Variants in PTPRD observed in about 807,000 individuals in gnomAD.
PTPRD encodes receptor-type tyrosine-protein phosphatase delta.
PTPRD carries 34 observed loss-of-function variants against 214.5 expected under a neutral mutation model. The observed-to-expected ratio is 0.16, with a 90% CI of 0.12 to 0.21. PTPRD has a LOEUF of 0.21. Among genes scored for constraint, PTPRD ranks in the 10% least tolerant of loss-of-function variants. PTPRD has a pLI of 1.00. For synonymous variants in PTPRD, 1,128 were observed against 845.7 expected (o/e 1.33, Z -5.79); for missense variants, 2,545 against 2,398.7 (o/e 1.06, Z -1.27).
At chr9:9,840,076 C>T (rs899685390) in intron 5 of PTPRD, among the ~76,000 whole-genome samples, 27 of 151,958 alleles carry the variant, frequency 1.8e-4, no homozygotes, top group African/African-American at 6.0e-4. Context: ...CTCGCTCTGT[C>T]ACCCAGGCTG....
intron 14 of PTPRD, among the ~76,000 whole-genome samples, chr9:8,544,236 G>C (rs1593258871): frequency 1.5e-5 from 2 of 134,426 alleles, no homozygotes; most frequent in African/African-American, 5.7e-5. Context: ...GTGCCATCTT[G>C]GCTCACTGCA....
intron 12 of PTPRD, among the ~76,000 whole-genome samples, chr9:8,714,541 A>G (rs1369354186): frequency 6.6e-6 from 1 of 152,110 alleles, no homozygotes; most frequent in Non-Finnish European, 1.5e-5. Context: ...ATCTCTGTAC[A>G]AGGTTTTTCT....
At chr9:10,406,381 T>A (rs148427252) in intron 2 of PTPRD, among the ~76,000 whole-genome samples, 2 of 151,606 alleles carry the variant, frequency 1.3e-5, no homozygotes, top group Admixed American at 6.6e-5. Flanking sequence ...AAACGAAAAT[T>A]GAAGAAATAG....
intron 7 of PTPRD, among the ~76,000 whole-genome samples, chr9:9,697,454 T>G (rs1377834897): frequency 6.6e-6 from 1 of 152,110 alleles, no homozygotes; most frequent in Non-Finnish European, 1.5e-5. Flanking sequence ...GGGTACATAA[T>G]TTTTGTTTCA....
intron 11 of PTPRD, among the ~76,000 whole-genome samples, chr9:8,993,971 G>A (rs999679786): frequency 2.6e-5 from 4 of 152,072 alleles, no homozygotes; most frequent in African/African-American, 9.7e-5. Flanking sequence ...GGGAGTCATC[G>A]TTGCATCCCA....
At chr9:9,785,602 G>A (rs533433165) in intron 5 of PTPRD, among the ~76,000 whole-genome samples, 4 of 152,130 alleles carry the variant, frequency 2.6e-5, no homozygotes, top group Admixed American at 1.3e-4. Flanking sequence ...GAGAGATTTA[G>A]CAATGGTCAC....
chr9:8,330,793 A>G (rs1370191739), intron 44 of PTPRD, among the ~76,000 whole-genome samples: 1 of 151,466 alleles, frequency 6.6e-6, no homozygotes, highest in Non-Finnish European at 1.5e-5. Flanking sequence ...GTAAAGAACT[A>G]TAGTTTTCTT....
intron 11 of PTPRD, among the ~76,000 whole-genome samples, chr9:8,921,265 T>C (rs75645534): frequency 0.046 from 6,999 of 152,192 alleles, 194 homozygotes; most frequent in Middle Eastern, 0.085. Context: ...TTGATTCTAT[T>C]TTAGGCAGTG....
chr9:10,588,717 G>A (rs564722053), intron 2 of PTPRD, among the ~76,000 whole-genome samples: 1 of 151,864 alleles, frequency 6.6e-6, no homozygotes, highest in Non-Finnish European at 1.5e-5. Flanking sequence ...CTCTAAACAA[G>A]GGTCTGGAAG....
At chr9:9,706,854 A>C (rs750374791) in intron 7 of PTPRD, among the ~76,000 whole-genome samples, 5 of 152,282 alleles carry the variant, frequency 3.3e-5, no homozygotes, top group Non-Finnish European at 5.9e-5. Context: ...CGAGGTAGGT[A>C]GTGCTGCTGG....
intron 12 of PTPRD, among the ~76,000 whole-genome samples, chr9:8,656,219 T>C (rs1434872073): frequency 1.3e-5 from 2 of 152,230 alleles, no homozygotes; most frequent in Admixed American, 1.3e-4. Context: ...CCTGGGAATT[T>C]GTGTCACAAA....
intron 21 of PTPRD, among the ~76,000 whole-genome samples, chr9:8,513,225 C>T (rs567048358): frequency 9.2e-5 from 14 of 152,086 alleles, no homozygotes; most frequent in Admixed American, 6.5e-5. Flanking sequence ...TTACTCAACA[C>T]GGTCAACTGT....
intron 2 of PTPRD, among the ~76,000 whole-genome samples, chr9:10,365,676 GAATA>G (rs1266115105): frequency 6.6e-6 from 1 of 151,892 alleles, no homozygotes; most frequent in Non-Finnish European, 1.5e-5. Context: ...AACATTTACT[GAATA>G]AATAAATAAA....
chr9:8,566,181 CA>C (rs2089091564), intron 14 of PTPRD, among the ~76,000 whole-genome samples: 1 of 147,252 alleles, frequency 6.8e-6, no homozygotes, highest in Non-Finnish European at 1.5e-5. Flanking sequence ...TTCTCTTTGG[CA>C]GGGGTAGTTT....
intron 8 of PTPRD, among the ~76,000 whole-genome samples, chr9:9,529,404 T>C (rs568185859): frequency 3.8e-4 from 58 of 151,824 alleles, no homozygotes; most frequent in Middle Eastern, 3.5e-3. Context: ...ATAAAGGACA[T>C]AGCACTAGTA....
At chr9:9,748,175 G>A (rs146613506) in intron 6 of PTPRD, among the ~76,000 whole-genome samples, 2 of 152,198 alleles carry the variant, frequency 1.3e-5, no homozygotes, top group African/African-American at 4.8e-5. Context: ...TCTGAACTTG[G>A]TGCATATAAA....
At position 10,179,427 on chromosome 9, in the gene PTPRD, A is replaced by C. The variant is rs149525727; in HGVS notation, c.-544-145637T>G. Among the ~76,000 whole-genome samples the C allele has an allele frequency of 6.8e-3, 1,031 of 152,176 alleles. 7 individuals are homozygous for C. The highest frequency in any genetic ancestry group is 9.1e-3 in the Non-Finnish European group (618 of 67,914). The stretch of plus-strand genomic sequence containing the variant: ...ACAAGGTGAATAAAGAAGTTAGTAA[A>C]TTTACTTTTGTCTAAATGAACAATA... On this transcript the variant is annotated intron_variant, in intron 3 of 45. Coordinates refer to ENST00000381196, the MANE Select transcript of PTPRD (RefSeq NM_002839.4).
chr9:9,833,828 G>A (rs1346581614), intron 5 of PTPRD, among the ~76,000 whole-genome samples: 1 of 152,082 alleles, frequency 6.6e-6, no homozygotes, highest in African/African-American at 2.4e-5. Context: ...CTCACCGGTG[G>A]TCAGAGCTTA....
At chr9:10,162,738 T>TATATACATATAC (rs200685153) in intron 3 of PTPRD, among the ~76,000 whole-genome samples, 2 of 146,386 alleles carry the variant, frequency 1.4e-5, no homozygotes, top group African/African-American at 2.5e-5. Flanking sequence ...TGTACATATA[T>TATATACATATAC]ATATACATAT....
Sources: allele counts gnomAD v4.1 joint callset (sites outside exome capture counted in the v4.1 genomes callset), GRCh38; gene constraint gnomAD v4.1.1; transcripts MANE v1.5; gene names NCBI Gene and HGNC (gene_info 2026-07-23, HGNC 2026-07-21).